FANCL: variants seen among roughly 807,000 people sequenced by gnomAD.
FANCL encodes E3 ubiquitin-protein ligase FANCL.
In FANCL, 69 loss-of-function variants were observed where a neutral mutation model predicts 59.4. The ratio of observed to expected loss-of-function variants is 1.16; its 90% CI spans 0.96 to 1.42. The LOEUF (loss-of-function observed/expected upper bound fraction) is 1.42. Among genes scored for constraint, FANCL ranks in the 40% most tolerant of loss-of-function variants. FANCL has a pLI of 0.00. For missense variants in FANCL, 519 were observed against 447.2 expected (o/e 1.16, Z -1.45); for synonymous variants, 180 against 147.1 (o/e 1.22, Z -1.62).
intron 5 of FANCL, among the ~76,000 whole-genome samples, chr2:58,211,256 C>T (rs1385663491): frequency 6.6e-6 from 1 of 152,348 alleles, no homozygotes; most frequent in Admixed American, 6.5e-5. Flanking sequence ...ACAGGCTCAA[C>T]AACATGTGGA....
chr2:58,219,782 G>C (rs937161504), intron 5 of FANCL, among the ~76,000 whole-genome samples: 2 of 152,098 alleles, frequency 1.3e-5, no homozygotes, highest in Non-Finnish European at 2.9e-5. Context: ...CAATTACATA[G>C]TTCACATTAT....
At chr2:58,204,329 T>C (rs1690361481) in intron 5 of FANCL, 103 bp from the exon 6 acceptor site, 2 of 885,748 alleles carry the variant, frequency 2.3e-6, no homozygotes, top group Admixed American at 1.8e-5. Context: ...ATATTCCTAT[T>C]AATCCATTAT....
At chr2:58,167,615 C>T (rs1186722110) in intron 7 of FANCL, among the ~76,000 whole-genome samples, 1 of 152,122 alleles carries the variant, frequency 6.6e-6, no homozygotes, top group East Asian at 1.9e-4. Flanking sequence ...GCATTTTGAA[C>T]AGAAAAATGT....
At chr2:58,223,110 T>A (rs142400219) in intron 4 of FANCL, among the ~76,000 whole-genome samples, 1 of 151,420 alleles carries the variant, frequency 6.6e-6, no homozygotes, top group Non-Finnish European at 1.5e-5. Flanking sequence ...CGGGAACTAC[T>A]TCAATTTCGT....
chr2:58,204,059 T>C (rs1414996147), intron 6 of FANCL, 71 bp downstream of exon 6: 3 of 1,137,778 alleles, frequency 2.6e-6, no homozygotes, highest in Non-Finnish European at 4.0e-6. Flanking sequence ...CTTCTTTACA[T>C]TGAGAGCATT....
At chr2:58,197,655 T>A (rs1028362047) in intron 7 of FANCL, among the ~76,000 whole-genome samples, 46 of 152,158 alleles carry the variant, frequency 3.0e-4, no homozygotes, top group African/African-American at 1.1e-3. Flanking sequence ...TACTGCGAAA[T>A]TCAACTGACA....
rs1462389121 is a variant in FANCL, at chr2:58,228,008, CTA to C, written c.217-1226_217-1225del. Among the ~76,000 whole-genome samples the C allele has an allele frequency of 3.9e-5, 6 of 152,020 alleles. No homozygotes were observed. The East Asian group carries it at 5.8e-4, about 15-fold the overall frequency. ...TATAAAATATAAAAATCAGGCAACT[CTA>C]TGTAATTTTTAAAATCTAGTGGCAG... is the stretch of plus-strand genomic sequence containing the variant. On this transcript the variant is annotated intron_variant, in intron 3 of 13. Coordinates refer to ENST00000233741, the MANE Select transcript of FANCL (RefSeq NM_018062.4).
chr2:58,194,923 T>TCA (rs1338081906), intron 7 of FANCL, among the ~76,000 whole-genome samples: 37 of 108,804 alleles, frequency 3.4e-4, no homozygotes, highest in Admixed American at 2.8e-3. Context: ...GTCTATTATA[T>TCA]CACAAAAAAA....
intron 7 of FANCL, among the ~76,000 whole-genome samples, chr2:58,173,730 A>G (rs1686942190): frequency 6.6e-6 from 1 of 152,164 alleles, no homozygotes; most frequent in East Asian, 1.9e-4. Flanking sequence ...TGCATCAACT[A>G]ACAAGCAAAA....
intron 7 of FANCL, among the ~76,000 whole-genome samples, chr2:58,182,392 T>C (rs761769619): frequency 6.6e-6 from 1 of 151,802 alleles, no homozygotes; most frequent in Non-Finnish European, 1.5e-5. Context: ...CTTGTTTCAG[T>C]CCAAATATTA....
At chr2:58,230,803 C>T (rs1451032481) in intron 2 of FANCL, among the ~76,000 whole-genome samples, 1 of 152,110 alleles carries the variant, frequency 6.6e-6, no homozygotes, top group African/African-American at 2.4e-5. Context: ...ATTAATTATC[C>T]CTTTATTGTG....
intron 7 of FANCL, among the ~76,000 whole-genome samples, chr2:58,171,046 T>C (rs1324184581): frequency 6.6e-6 from 1 of 152,070 alleles, no homozygotes; most frequent in Non-Finnish European, 1.5e-5. Context: ...TCTACACAAC[T>C]CTCCACCCCA....
At position 58,240,921 on chromosome 2, in the gene FANCL, G is replaced by A. The variant is rs1036627884; in HGVS notation, c.96+297C>T. ...AAAAAAAATTAAAAAACAGTCAATT[G>A]CGGGACACTGAACGAAGAAGGAAGC... On this transcript the variant is annotated intron_variant, in intron 1 of 13. Transcript: ENST00000233741. Among the ~76,000 whole-genome samples, 7 of 152,296 alleles carry A rather than the reference G, an allele frequency of 4.6e-5. No homozygotes were observed. In the East Asian group the frequency reaches 1.2e-3, roughly 25 times the overall value.
chr2:58,225,089 G>C (rs60176808), intron 4 of FANCL, among the ~76,000 whole-genome samples: 7,955 of 151,192 alleles, frequency 0.053, 308 homozygotes, highest in African/African-American at 0.099. Context: ...AACAAGCTTG[G>C]GTTATATTAA....
At chr2:58,236,545 T>A (rs72812352) in intron 1 of FANCL, among the ~76,000 whole-genome samples, 13,103 of 146,668 alleles carry the variant, frequency 0.089, 594 homozygotes, top group Admixed American at 0.091. Context: ...TCCAATAATA[T>A]AAAATACAGA....
At chr2:58,206,593 A>G (rs1690609094) in intron 5 of FANCL, among the ~76,000 whole-genome samples, 1 of 152,160 alleles carries the variant, frequency 6.6e-6, no homozygotes, top group African/African-American at 2.4e-5. Context: ...ACATCTATAA[A>G]ATAACACAGA....
At chr2:58,235,613 A>C (rs1693941046) in intron 1 of FANCL, among the ~76,000 whole-genome samples, 1 of 152,164 alleles carries the variant, frequency 6.6e-6, no homozygotes, top group South Asian at 2.1e-4. Context: ...TATGTCTAGC[A>C]TCCAATCAAG....
At chr2:58,173,690 T>C (rs916065549) in intron 7 of FANCL, among the ~76,000 whole-genome samples, 3 of 152,062 alleles carry the variant, frequency 2.0e-5, no homozygotes, top group African/African-American at 4.8e-5. Flanking sequence ...TCATGCCAAA[T>C]TGTAAAGACC....
At chr2:58,217,050 G>C (rs909829125) in intron 5 of FANCL, among the ~76,000 whole-genome samples, 1 of 145,776 alleles carries the variant, frequency 6.9e-6, no homozygotes, top group African/African-American at 2.5e-5. Context: ...GAAATAAAGA[G>C]AAATAAAAAC....
Sources: allele counts gnomAD v4.1 joint callset (sites outside exome capture counted in the v4.1 genomes callset), GRCh38; gene constraint gnomAD v4.1.1; transcripts MANE v1.5; gene names NCBI Gene and HGNC (gene_info 2026-07-23, HGNC 2026-07-21).